Variants in HIVEP3 observed in about 807,000 individuals in gnomAD.
HIVEP3 encodes the protein transcription factor HIVEP3.
In HIVEP3, 49 loss-of-function variants were observed where a neutral mutation model predicts 152.8. That is an observed-to-expected ratio of 0.32 (90% CI 0.26 to 0.41). The LOEUF (loss-of-function observed/expected upper bound fraction) is 0.41, where lower values mean the gene tolerates loss of function less well. Among genes scored for constraint, HIVEP3 ranks in the 10% least tolerant of loss-of-function variants. HIVEP3 has a pLI of 1.00. For synonymous variants in HIVEP3, 1,269 were observed against 1,289.0 expected (o/e 0.98, Z 0.33); for missense variants, 2,790 against 3,103.3 (o/e 0.90, Z 2.40).
intron 1 of HIVEP3, among the ~76,000 whole-genome samples, chr1:41,849,251 G>A (rs1032713063): frequency 3.3e-5 from 5 of 152,154 alleles, no homozygotes; most frequent in Non-Finnish European, 7.4e-5. Context: ...CTTATTCTAT[G>A]GCACCTGAGA....
In HIVEP3 at chr1:41,918,562, T is replaced by A. The variant is rs1028369499; in HGVS notation, c.-950A>T. ...AGGGGTAAAGACCTTATTGAAAGAA[T>A]TGTCCTTAAAAAATAACCTGTGCAT... On this transcript the variant is annotated 5_prime_UTR_variant, in exon 1 of 9. Coordinates refer to ENST00000372583, the MANE Select transcript of HIVEP3 (RefSeq NM_024503.5). The surrounding 1 kb of genome is among the most constrained non-coding windows in gnomAD (Gnocchi z 4.3). 8 of 152,170 alleles carry A rather than the reference T, an allele frequency of 5.3e-5. No homozygotes were observed. The highest frequency in any genetic ancestry group is 1.9e-4 in the African/African-American group (8 of 41,430). 9.4% of individuals were successfully genotyped at this position (152,170 alleles called of 1,614,324 possible).
At chr1:41,719,082 G>A (rs1004891991) in intron 1 of HIVEP3, among the ~76,000 whole-genome samples, 4 of 152,250 alleles carry the variant, frequency 2.6e-5, no homozygotes, top group African/African-American at 9.6e-5. Context: ...AGCTAAAATT[G>A]AGGGCTCAGA....
At chr1:41,671,717 G>A (rs1398082529) in intron 2 of HIVEP3, among the ~76,000 whole-genome samples, 3 of 152,302 alleles carry the variant, frequency 2.0e-5, no homozygotes, top group Admixed American at 1.3e-4. Flanking sequence ...CGCAGACCCC[G>A]AAGAATTCAT....
intron 5 of HIVEP3, among the ~76,000 whole-genome samples, chr1:41,552,411 C>CGAAAGGGAAA (rs1190168226): frequency 1.4e-5 from 2 of 143,324 alleles, no homozygotes; most frequent in African/African-American, 5.2e-5. Flanking sequence ...TGTTCCCTTT[C>CGAAAGGGAAA]CTGTGTCCAT....
intron 1 of HIVEP3, among the ~76,000 whole-genome samples, chr1:41,914,597 T>C (rs1017538735): frequency 2.0e-5 from 3 of 152,254 alleles, no homozygotes; most frequent in Non-Finnish European, 4.4e-5. Context: ...AAATTTTAAC[T>C]GAACACATTG....
intron 1 of HIVEP3, among the ~76,000 whole-genome samples, chr1:41,853,765 G>A (rs1051240156): frequency 3.4e-4 from 52 of 152,328 alleles, no homozygotes; most frequent in African/African-American, 1.2e-3. Context: ...GGATGATCCA[G>A]CAGCTTTAGT....
intron 2 of HIVEP3, among the ~76,000 whole-genome samples, chr1:41,663,962 C>T (rs1310062392): frequency 6.6e-6 from 1 of 152,174 alleles, no homozygotes; most frequent in South Asian, 2.1e-4. Context: ...GCATGCAAGG[C>T]CCCACGGACC....
At position 41,646,482 on chromosome 1, in the gene HIVEP3, A is replaced by C. The variant is rs529359819; in HGVS notation, c.-720-17535T>G. ...GGAGCCTTGAGAAACAGGAGGGCTT[A>C]TGGAGAAGGATGGGGTGGCATTCCT... On this transcript the variant is annotated intron_variant, in intron 2 of 8. Coordinates refer to ENST00000372583, the MANE Select transcript of HIVEP3 (RefSeq NM_024503.5). Among the ~76,000 whole-genome samples, 4 of 152,346 alleles carry C rather than the reference A, an allele frequency of 2.6e-5. No homozygotes were observed. In the South Asian group the frequency reaches 8.3e-4, roughly 32 times the overall value.
rs985687525 is a variant in HIVEP3, at chr1:41,825,258, G to C, written c.-801+93155C>G. Reference sequence around the variant, plus strand: ...GGAGGATGTTACAAAGTACATTCACGAGGGCGGGGAGGGCATATTGTCACA... The same window carrying C: ...GGAGGATGTTACAAAGTACATTCACCAGGGCGGGGAGGGCATATTGTCACA... On this transcript the variant is annotated intron_variant, in intron 1 of 8. Transcript: ENST00000372583. Among the ~76,000 whole-genome samples the C allele has an allele frequency of 4.6e-5, 7 of 152,174 alleles. No homozygotes were observed. In the East Asian group the frequency reaches 1.4e-3, roughly 29 times the overall value.
At chr1:42,008,387 C>T (rs958770661) in intron 1 of HIVEP3, among the ~76,000 whole-genome samples, 3 of 152,236 alleles carry the variant, frequency 2.0e-5, no homozygotes, top group African/African-American at 7.2e-5. Context: ...AAGGCATATG[C>T]AGCATCATAC....
chr1:41,878,995 C>A (rs1239625502), intron 1 of HIVEP3, among the ~76,000 whole-genome samples: 1 of 151,836 alleles, frequency 6.6e-6, no homozygotes, highest in Non-Finnish European at 1.5e-5. Context: ...AGCACTTGCC[C>A]CATTTTTAGG....
chr1:41,747,224 A>G (rs1647086749), intron 1 of HIVEP3, among the ~76,000 whole-genome samples: 1 of 152,196 alleles, frequency 6.6e-6, no homozygotes, highest in Non-Finnish European at 1.5e-5. Flanking sequence ...AGTGAGGGTG[A>G]GGGGTGGTAC....
intron 1 of HIVEP3, among the ~76,000 whole-genome samples, chr1:41,734,741 GC>G (rs1375626447): frequency 1.3e-5 from 2 of 152,240 alleles, no homozygotes; most frequent in Admixed American, 6.5e-5. Flanking sequence ...ACAGCAGCCA[GC>G]CCCGGGGCAG....
intron 5 of HIVEP3, among the ~76,000 whole-genome samples, chr1:41,545,021 C>T (rs1643696993): frequency 9.4e-6 from 1 of 106,184 alleles, no homozygotes; most frequent in African/African-American, 3.7e-5. Context: ...CCACCACTAC[C>T]ACCACCACCA....
At chr1:41,618,573 C>T (rs768140225) in intron 3 of HIVEP3, among the ~76,000 whole-genome samples, 1 of 152,132 alleles carries the variant, frequency 6.6e-6, no homozygotes, top group Non-Finnish European at 1.5e-5. Flanking sequence ...TGCCTGGGTG[C>T]CCCTGTCCCG....
intron 1 of HIVEP3, among the ~76,000 whole-genome samples, chr1:41,729,769 T>C (rs985960334): frequency 6.6e-6 from 1 of 152,234 alleles, no homozygotes; most frequent in East Asian, 1.9e-4. Context: ...TCCAATTAAC[T>C]CTAGGTAACC....
At position 41,616,620 on chromosome 1, in the gene HIVEP3, C is replaced by CTT. The variant is rs34266558; in HGVS notation, c.-522+12127_-522+12128dup. Among the ~76,000 whole-genome samples, 907 of 112,428 alleles carry CTT rather than the reference C, an allele frequency of 8.1e-3. 16 individuals carry two copies. Among genetic ancestry groups the CTT allele is most frequent in the South Asian group, 0.016 (49 of 3,124 alleles). The allele number at this position is 112,428 out of a possible 152,430, so 73.8% of individuals were successfully genotyped here. A position where few individuals can be genotyped will look rare whatever the true frequency, so the allele number is the denominator to read the frequency against. ...ATAGGAAGTGGGGAAGATGGGGAGCCTTTTTTTTTTTTTTTTGAGATGGAG... is the reference window on the plus strand; with the variant it reads ...ATAGGAAGTGGGGAAGATGGGGAGCCTTTTTTTTTTTTTTTTTTGAGATGGAG... On this transcript the variant is annotated intron_variant, in intron 3 of 8. Transcript: ENST00000372583.
chr1:41,678,890 C>G (rs1489429719), intron 2 of HIVEP3, among the ~76,000 whole-genome samples: 2 of 152,254 alleles, frequency 1.3e-5, no homozygotes, highest in African/African-American at 2.4e-5. Context: ...AGACTCTGCT[C>G]CCTATCACCA....
At chr1:41,961,737 GA>G (rs1166693873) in intron 1 of HIVEP3, among the ~76,000 whole-genome samples, 1 of 152,202 alleles carries the variant, frequency 6.6e-6, no homozygotes, top group African/African-American at 2.4e-5. Flanking sequence ...GAAAGCGAGA[GA>G]AAACATTCCC....
Sources: allele counts gnomAD v4.1 joint callset (sites outside exome capture counted in the v4.1 genomes callset), GRCh38; gene constraint gnomAD v4.1.1; non-coding constraint Gnocchi (gnomAD v3.1); transcripts MANE v1.5; gene names NCBI Gene and HGNC (gene_info 2026-07-23, HGNC 2026-07-21).